The following TMED5 variants were observed in gnomAD, a reference collection of about 807,000 sequenced individuals.
TMED5 encodes transmembrane emp24 domain-containing protein 5.
TMED5 carries 27 observed loss-of-function variants against 23.0 expected under a neutral mutation model. That is an observed-to-expected ratio of 1.17 (90% CI 0.86 to 1.62). The LOEUF (loss-of-function observed/expected upper bound fraction) is 1.62, where lower values mean the gene tolerates loss of function less well. Ranked by LOEUF, TMED5 falls within the 40% of genes most tolerant of loss-of-function variation. TMED5 has a pLI of 0.00. For synonymous variants in TMED5, 97 were observed against 100.8 expected, an observed-to-expected ratio of 0.96 and a Z score of 0.23; for missense variants, 248 against 273.7, an observed-to-expected ratio of 0.91 and a Z score of 0.66.
chr1:93,155,712 TC>T (rs1648050802), intron 3 of TMED5, among the ~76,000 whole-genome samples: 1 of 152,108 alleles, frequency 6.6e-6, no homozygotes, highest in Non-Finnish European at 1.5e-5. Flanking sequence ...TGAACTGGGC[TC>T]AAATGATCCT....
intron 1 of TMED5, among the ~76,000 whole-genome samples, chr1:93,174,748 T>G (rs1198639110): frequency 6.6e-6 from 1 of 152,182 alleles, no homozygotes; most frequent in Non-Finnish European, 1.5e-5. Flanking sequence ...GGTATTTAGT[T>G]TTCTGTTTCT....
intron 1 of TMED5, among the ~76,000 whole-genome samples, chr1:93,166,248 C>A (rs1176293664): frequency 2.0e-5 from 3 of 152,168 alleles, no homozygotes; most frequent in African/African-American, 7.2e-5. Flanking sequence ...ATCTCTTTGA[C>A]ATACTGATTT....
At chr1:93,172,894 T>TA (rs1648774713) in intron 1 of TMED5, among the ~76,000 whole-genome samples, 1 of 152,154 alleles carries the variant, frequency 6.6e-6, no homozygotes, top group Admixed American at 6.5e-5. Context: ...GTGGTATAGA[T>TA]ACACAATGGA....
At chr1:93,175,270 A>G (rs927805876) in intron 1 of TMED5, among the ~76,000 whole-genome samples, 1 of 137,320 alleles carries the variant, frequency 7.3e-6, no homozygotes, top group South Asian at 2.2e-4. Flanking sequence ...CTTCTAATCC[A>G]TTGTCTTGTT....
intron 1 of TMED5, among the ~76,000 whole-genome samples, chr1:93,167,785 A>G (rs1458494082): frequency 6.6e-6 from 1 of 152,174 alleles, no homozygotes; most frequent in African/African-American, 2.4e-5. Context: ...GACTTCCAGT[A>G]CTATGTTGAA....
chr1:93,171,042 C>A (rs1425010519), intron 1 of TMED5, among the ~76,000 whole-genome samples: 4 of 152,196 alleles, frequency 2.6e-5, no homozygotes, highest in African/African-American at 9.7e-5. Flanking sequence ...AAGCTTTGTT[C>A]TCTTGCTCTT....
At chr1:93,165,101 C>G (rs1049965526) in intron 1 of TMED5, among the ~76,000 whole-genome samples, 10 of 152,168 alleles carry the variant, frequency 6.6e-5, no homozygotes, top group African/African-American at 2.4e-4. Flanking sequence ...TGTCAACAAC[C>G]ATGAGTGAGT....
rs1314198748 is a variant in TMED5 at position 93,160,193 on chromosome 1, G to A, written c.223C>T (p.His75Tyr). ...GTTTTGCCTTCTGGAGAGGCAAGAT[G>A]GAAATCAATATCTAATCCTGCTCCA... Reference protein sequence around the residue: ...LDGAGLDIDFHLASPEGKTLV... With the variant: ...LDGAGLDIDFYLASPEGKTLV... Residue 75 changes from histidine (H) to tyrosine (Y), a missense_variant, in exon 2 of 4, where the codon CAT becomes TAT. His to Tyr is a moderately conservative substitution (Grantham distance 83). Transcript: ENST00000370282. 1 of 1,612,442 alleles carries A rather than the reference G, an allele frequency of 6.2e-7. No individual in the cohort carries two copies. Among genetic ancestry groups the A allele is most frequent in the South Asian group, 1.1e-5 (1 of 91,002 alleles).
intron 1 of TMED5, among the ~76,000 whole-genome samples, chr1:93,178,582 TC>T (rs1649027484): frequency 6.6e-6 from 1 of 151,818 alleles, no homozygotes; most frequent in African/African-American, 2.4e-5. Flanking sequence ...ACAACCCAGC[TC>T]CCCCTCCGTC....
At position 93,154,854 on chromosome 1, in the gene TMED5, T is replaced by C; in HGVS notation, c.506A>G (p.Lys169Arg). ...SINSIKSRLS[K>R]SGHIQTLLRA... ...AAGCAGAGTTTGTATGTGCCCACTT[T>C]TGCTTAGTCTGGACTTGATGCTGTT... The change falls in exon 4 of 4, where the codon AAA becomes AGA. Residue 169 changes from lysine (K) to arginine (R), a missense_variant. Coordinates refer to ENST00000370282, the MANE Select transcript of TMED5 (RefSeq NM_016040.5). 2 of 1,613,836 alleles carry C rather than the reference T, an allele frequency of 1.2e-6. No individual in the cohort carries two copies. Among genetic ancestry groups the C allele is most frequent in the South Asian group, 1.1e-5 (1 of 91,068 alleles).
intron 1 of TMED5, among the ~76,000 whole-genome samples, chr1:93,178,904 T>G (rs1350243888): frequency 1.3e-5 from 2 of 152,188 alleles, no homozygotes; most frequent in Non-Finnish European, 2.9e-5. Flanking sequence ...TCTAAAAAAC[T>G]GAAAGATGAA....
chr1:93,175,175 TTATA>T lies in TMED5; in HGVS notation c.189+4875_189+4878del, dbSNP rs201008342. 8.8e-4 allele frequency among the ~76,000 whole-genome samples: 105 copies of T among 119,718 alleles called. 3 individuals carry two copies. The highest frequency in any genetic ancestry group is 2.0e-3 in the African/African-American group (50 of 24,936). 78.5% of individuals were successfully genotyped at this position (119,718 alleles called of 152,430 possible). ...TATTTATATAATACTTAAAAGCCAT[TTATA>T]TATATATATATATATATATATAAAT... On this transcript the variant is annotated intron_variant, in intron 1 of 3. Transcript: ENST00000370282.
rs1388171539 is a variant in TMED5 at position 93,154,666 on chromosome 1, A to C, written c.*4T>G. On this transcript the variant is annotated 3_prime_UTR_variant, in exon 4 of 4. Coordinates refer to ENST00000370282, the MANE Select transcript of TMED5 (RefSeq NM_016040.5). ...TTCAATGTTACGTACTCTAGTTTGG[A>C]GTTTTAAGTTCTACTTTTCCTCTTA... 6.2e-7 allele frequency: 1 copy of C among 1,606,010 alleles called. No individual in the cohort carries two copies. The highest frequency in any genetic ancestry group is 1.7e-5 in the Admixed American group (1 of 59,928).
Position 93,156,161 on chromosome 1 carries a change from A to G in TMED5, c.471+139T>C, listed in dbSNP as rs116355365. On this transcript the variant is annotated intron_variant, in intron 3 of 3. Transcript: ENST00000370282. ...AAAATTAAGCTGATACTTGAGGTCA[A>G]AGTATTTATGGCAAAAATAAAATAT... 135 of 1,139,794 alleles carry G rather than the reference A, an allele frequency of 1.2e-4. No homozygotes were observed. In the African/African-American group the frequency reaches 1.9e-3, roughly 16 times the overall value. The allele number at this position is 1,139,794 out of a possible 1,614,324, so 70.6% of individuals were successfully genotyped here.
At chr1:93,155,777 A>C (rs1459956938) in intron 3 of TMED5, among the ~76,000 whole-genome samples, 1 of 152,130 alleles carries the variant, frequency 6.6e-6, no homozygotes, top group Non-Finnish European at 1.5e-5. Context: ...CATGCCTGGC[A>C]AATGATTTCA....
At chr1:93,168,852 G>T (rs1302699745) in intron 1 of TMED5, among the ~76,000 whole-genome samples, 1 of 152,082 alleles carries the variant, frequency 6.6e-6, no homozygotes, top group African/African-American at 2.4e-5. Flanking sequence ...AAGAAAAGGG[G>T]CGGGCGGGCA....
chr1:93,158,122 CAA>C (rs755186139), intron 2 of TMED5, among the ~76,000 whole-genome samples: 136 of 69,684 alleles, frequency 2.0e-3, no homozygotes, highest in Middle Eastern at 7.5e-3. Flanking sequence ...GACTCCGTCT[CAA>C]AAAAAAAAAA....
At chr1:93,155,078 A>C (rs996222885) in intron 3 of TMED5, among the ~76,000 whole-genome samples, 190 bp from the exon 4 acceptor site, 9 of 151,970 alleles carry the variant, frequency 5.9e-5, no homozygotes, top group African/African-American at 2.2e-4. Flanking sequence ...GCCTCTACAA[A>C]AAGATGGGTA....
At chr1:93,155,802 A>G (rs1648052950) in intron 3 of TMED5, among the ~76,000 whole-genome samples, 2 of 152,144 alleles carry the variant, frequency 1.3e-5, no homozygotes, top group African/African-American at 4.8e-5. Flanking sequence ...TAAAAACCCA[A>G]TTGATATAAC....
Sources: gnomAD v4.1 joint callset for allele counts (sites outside exome capture counted in the v4.1 genomes callset) on GRCh38, gnomAD v4.1.1 for gene constraint, MANE v1.5 for transcripts, NCBI Gene and HGNC (gene_info 2026-07-23, HGNC 2026-07-21) for gene names.